LAMA2: variants seen among roughly 807,000 people sequenced by gnomAD.
LAMA2 encodes the protein laminin subunit alpha 2.
A neutral mutation model predicts 364.8 loss-of-function variants in LAMA2; 269 were observed. That is an observed-to-expected ratio of 0.74 (90% CI 0.67 to 0.82). The LOEUF (loss-of-function observed/expected upper bound fraction) is 0.82. Ranked by LOEUF, LAMA2 falls within the 40% of genes least tolerant of loss-of-function variation. The pLI is 0.00. For missense variants in LAMA2, 3,807 were observed against 3,873.2 expected (o/e 0.98, Z 0.45); for synonymous variants, 1,379 against 1,370.6 (o/e 1.01, Z -0.14).
At chr6:128,911,316 C>A (rs913558316) in intron 1 of LAMA2, among the ~76,000 whole-genome samples, 4 of 152,212 alleles carry the variant, frequency 2.6e-5, no homozygotes, top group African/African-American at 9.6e-5. Context: ...CCTTCCCAGC[C>A]AGGTGCAGGA....
chr6:128,939,743 C>A (rs971125831), intron 1 of LAMA2, among the ~76,000 whole-genome samples: 6 of 152,060 alleles, frequency 3.9e-5, no homozygotes, highest in Admixed American at 6.6e-5. Flanking sequence ...ATAGGCATCT[C>A]TTTATTATCT....
At chr6:128,940,170 G>C (rs990219886) in intron 1 of LAMA2, among the ~76,000 whole-genome samples, 2 of 151,926 alleles carry the variant, frequency 1.3e-5, no homozygotes, top group Non-Finnish European at 2.9e-5. Flanking sequence ...TCATCACTGA[G>C]TCTTCCTACT....
intron 54 of LAMA2, among the ~76,000 whole-genome samples, chr6:129,479,416 A>C (rs1177969636): frequency 6.6e-6 from 1 of 152,154 alleles, no homozygotes; most frequent in Non-Finnish European, 1.5e-5. Flanking sequence ...GCATCCTAGC[A>C]TTCCCCTATT....
intron 47 of LAMA2, among the ~76,000 whole-genome samples, chr6:129,455,452 T>C (rs1455007255): frequency 6.6e-6 from 1 of 152,172 alleles, no homozygotes; most frequent in African/African-American, 2.4e-5. Context: ...ATACATTCTG[T>C]TAAAGAAGGT....
chr6:129,293,790 G>A (rs769837972), intron 20 of LAMA2, among the ~76,000 whole-genome samples: 1 of 151,750 alleles, frequency 6.6e-6, no homozygotes, highest in Non-Finnish European at 1.5e-5. Flanking sequence ...AAGGAGAGAT[G>A]GAAATAAAAA....
intron 1 of LAMA2, among the ~76,000 whole-genome samples, chr6:129,016,949 C>G (rs1785115844): frequency 4.0e-5 from 6 of 151,532 alleles, no homozygotes; most frequent in Admixed American, 4.0e-4. Flanking sequence ...AATAAAAACA[C>G]CCCATTTCCT....
rs78348540 is a variant in LAMA2, at chr6:129,487,275, A to T, written c.7898+653A>T. 2.7e-3 allele frequency among the ~76,000 whole-genome samples: 406 copies of T among 152,358 alleles called. 1 individual carries two copies. Among genetic ancestry groups the T allele is most frequent in the Non-Finnish European group, 4.6e-3 (313 of 68,036 alleles). On this transcript the variant is annotated intron_variant, in intron 56 of 64. Coordinates refer to ENST00000421865, the MANE Select transcript of LAMA2 (RefSeq NM_000426.4). ...CTGGGCCAGGGAATTGGCTTTACTC[A>T]TGCACAAACTGATGACTTTCTTTAG... is the stretch of plus-strand genomic sequence containing the variant.
intron 16 of LAMA2, 44 bp downstream of exon 16, chr6:129,267,263 A>G (rs560102677): frequency 4.7e-5 from 60 of 1,267,826 alleles, no homozygotes; most frequent in Non-Finnish European, 6.6e-5. Context: ...CAAGGCTGAA[A>G]TCACCTCGAC....
At chr6:129,206,237 G>A (rs1782668535) in intron 12 of LAMA2, among the ~76,000 whole-genome samples, 1 of 152,122 alleles carries the variant, frequency 6.6e-6, no homozygotes. Context: ...CTTTTAAAGT[G>A]GAGAAACGAA....
intron 41 of LAMA2, among the ~76,000 whole-genome samples, chr6:129,434,391 G>T (rs1205685540): frequency 6.6e-6 from 1 of 152,130 alleles, no homozygotes. Context: ...AGATGAGAAA[G>T]GGAGAGCCAG....
chr6:129,148,596 C>T (rs1228167922), intron 6 of LAMA2, among the ~76,000 whole-genome samples: 1 of 152,068 alleles, frequency 6.6e-6, no homozygotes, highest in African/African-American at 2.4e-5. Flanking sequence ...GGAATCAACT[C>T]CCTCCTTCTT....
At chr6:129,150,074 C>T (rs752452907) in intron 7 of LAMA2, among the ~76,000 whole-genome samples, 19 of 152,110 alleles carry the variant, frequency 1.2e-4, no homozygotes, top group Non-Finnish European at 2.4e-4. Flanking sequence ...TCTGCACTCA[C>T]TTCATTTGCT....
chr6:129,059,236 G>T (rs12210105), intron 2 of LAMA2, among the ~76,000 whole-genome samples: 14,286 of 152,036 alleles, frequency 0.094, 765 homozygotes, highest in East Asian at 0.16. Context: ...TGGTTTCTGA[G>T]CCTCAATATC....
At chr6:129,335,384 A>T (rs1416893719) in intron 29 of LAMA2, among the ~76,000 whole-genome samples, 1 of 152,068 alleles carries the variant, frequency 6.6e-6, no homozygotes, top group Non-Finnish European at 1.5e-5. Context: ...AGATAGATAG[A>T]TAGATAGATA....
chr6:129,416,869 A>AAG lies in LAMA2; in HGVS notation c.5866-10883_5866-10882insAG, dbSNP rs1780821614. ...GTGCACAGCTAAGCGTGCCAGCTGCAGTGGGCTGGGCAGCTCCAGGTCCTG... is the reference window on the plus strand; with the variant it reads ...GTGCACAGCTAAGCGTGCCAGCTGCAAGGTGGGCTGGGCAGCTCCAGGTCCTG... On this transcript the variant is annotated intron_variant, in intron 40 of 64. Coordinates refer to ENST00000421865, the MANE Select transcript of LAMA2 (RefSeq NM_000426.4). Among the ~76,000 whole-genome samples, 12 of 152,294 alleles carry AAG rather than the reference A, an allele frequency of 7.9e-5. No individual in the cohort carries two copies. The South Asian group carries it at 2.5e-3, about 32-fold the overall frequency.
chr6:129,293,019 G>C (rs1170000319), intron 20 of LAMA2: 2 of 985,794 alleles, frequency 2.0e-6, no homozygotes, highest in African/African-American at 3.5e-5. Flanking sequence ...GTGGGCTATC[G>C]GCAGCTCCAG....
chr6:129,076,014 A>G (rs1402393638), intron 3 of LAMA2, among the ~76,000 whole-genome samples: 1 of 152,114 alleles, frequency 6.6e-6, no homozygotes, highest in African/African-American at 2.4e-5. Context: ...TGGGTCCAGG[A>G]GGTCAAGGCT....
chr6:129,291,840 C>T (rs180996781), intron 20 of LAMA2, 120 bp downstream of exon 20: 10 of 743,826 alleles, frequency 1.3e-5, no homozygotes, highest in Non-Finnish European at 1.9e-5. Flanking sequence ...TCTAATTCTA[C>T]AATTGAAATG....
At chr6:129,446,205 G>A (rs1352105812) in intron 45 of LAMA2, among the ~76,000 whole-genome samples, 1 of 151,716 alleles carries the variant, frequency 6.6e-6, no homozygotes, top group Non-Finnish European at 1.5e-5. Context: ...ATGGGGTTAT[G>A]GCAGGAATGA....
Sources: gnomAD v4.1 joint callset for allele counts (sites outside exome capture counted in the v4.1 genomes callset) on GRCh38, gnomAD v4.1.1 for gene constraint, MANE v1.5 for transcripts, NCBI Gene and HGNC (gene_info 2026-07-23, HGNC 2026-07-21) for gene names.